The following SEMA5A variants were observed in gnomAD, a reference collection of about 807,000 sequenced individuals.
The protein encoded by SEMA5A is semaphorin 5A.
A neutral mutation model predicts 135.5 loss-of-function variants in SEMA5A; 55 were observed. The ratio of observed to expected loss-of-function variants is 0.41; its 90% CI spans 0.33 to 0.51. The LOEUF (loss-of-function observed/expected upper bound fraction) is 0.51, where lower values mean the gene tolerates loss of function less well. SEMA5A is among the 20% of genes least tolerant of loss of function. The pLI is 0.37. For missense variants in SEMA5A, 1,290 were observed against 1,419.9 expected (o/e 0.91, Z 1.47); for synonymous variants, 580 against 546.5 (o/e 1.06, Z -0.85).
chr5:9,119,801 TCA>T (rs1201506787), intron 14 of SEMA5A, among the ~76,000 whole-genome samples: 1 of 152,170 alleles, frequency 6.6e-6, no homozygotes, highest in African/African-American at 2.4e-5. Context: ...GGCTATCTTT[TCA>T]CAGATTGACA....
At chr5:9,511,518 T>C (rs1248667750) in intron 1 of SEMA5A, 1 of 152,210 alleles carries the variant, frequency 6.6e-6, no homozygotes, top group East Asian at 1.9e-4. Flanking sequence ...GACAGCAGTC[T>C]TGATTAAAGA....
At chr5:9,439,684 T>C (rs1190332966) in intron 1 of SEMA5A, among the ~76,000 whole-genome samples, 1 of 152,130 alleles carries the variant, frequency 6.6e-6, no homozygotes, top group Non-Finnish European at 1.5e-5. Flanking sequence ...TCACAATCAG[T>C]AACACAACCA....
intron 8 of SEMA5A, among the ~76,000 whole-genome samples, chr5:9,210,840 A>G (rs1746308925): frequency 1.3e-5 from 2 of 152,168 alleles, no homozygotes; most frequent in Admixed American, 1.3e-4. Context: ...TACCTAGCAT[A>G]TTGTAAATAG....
At chr5:9,299,713 T>C (rs767525973) in intron 5 of SEMA5A, among the ~76,000 whole-genome samples, 3 of 152,182 alleles carry the variant, frequency 2.0e-5, no homozygotes, top group African/African-American at 2.4e-5. Flanking sequence ...AAGGAGGCCA[T>C]AAATGTTAAC....
chr5:9,466,489 G>A (rs1759268033), intron 1 of SEMA5A, among the ~76,000 whole-genome samples: 1 of 152,088 alleles, frequency 6.6e-6, no homozygotes, highest in Non-Finnish European at 1.5e-5. Context: ...GGGCTACTGA[G>A]CAGTGAAGTT....
At chr5:9,416,427 C>T (rs1419491169) in intron 2 of SEMA5A, among the ~76,000 whole-genome samples, 1 of 152,096 alleles carries the variant, frequency 6.6e-6, no homozygotes, top group African/African-American at 2.4e-5. Context: ...GCAATTAGAT[C>T]CAGGTGGAGG....
chr5:9,528,913 G>A (rs1407977666), intron 1 of SEMA5A, among the ~76,000 whole-genome samples: 2 of 151,840 alleles, frequency 1.3e-5, no homozygotes, highest in South Asian at 2.1e-4. Context: ...TGGGAGCCAC[G>A]AGTCTCTAGA....
At chr5:9,045,617 G>A (rs1736209783) in intron 21 of SEMA5A, among the ~76,000 whole-genome samples, 1 of 152,106 alleles carries the variant, frequency 6.6e-6, no homozygotes, top group South Asian at 2.1e-4. Flanking sequence ...ATACTATCCT[G>A]CGTACCACTT....
chr5:9,407,222 A>C (rs1756920341), intron 2 of SEMA5A, among the ~76,000 whole-genome samples: 1 of 152,228 alleles, frequency 6.6e-6, no homozygotes, highest in Non-Finnish European at 1.5e-5. Context: ...TACAATCTAC[A>C]AAAAGAGTAT....
At chr5:9,407,930 C>T (rs928132784) in intron 2 of SEMA5A, among the ~76,000 whole-genome samples, 1 of 151,852 alleles carries the variant, frequency 6.6e-6, no homozygotes, top group Non-Finnish European at 1.5e-5. Flanking sequence ...ACCATGACCA[C>T]CATCATCATT....
intron 5 of SEMA5A, among the ~76,000 whole-genome samples, chr5:9,309,670 T>A (rs927966960): frequency 3.3e-5 from 5 of 152,188 alleles, no homozygotes; most frequent in Middle Eastern, 3.4e-3. Flanking sequence ...GAGGGAGGAA[T>A]AAGTCTTCTG....
At chr5:9,296,204 A>T (rs192951296) in intron 5 of SEMA5A, among the ~76,000 whole-genome samples, 221 of 152,346 alleles carry the variant, frequency 1.5e-3, no homozygotes, top group Non-Finnish European at 2.9e-3. Context: ...TTATTTTAAA[A>T]GTTCAATAAA....
intron 5 of SEMA5A, among the ~76,000 whole-genome samples, chr5:9,306,224 T>C (rs1366605009): frequency 6.6e-6 from 1 of 152,222 alleles, no homozygotes; most frequent in East Asian, 1.9e-4. Flanking sequence ...ACCAGGCACA[T>C]AGCTTCTGCC....
chr5:9,248,275 A>G (rs1411219553), intron 5 of SEMA5A, among the ~76,000 whole-genome samples: 2 of 152,202 alleles, frequency 1.3e-5, no homozygotes, highest in African/African-American at 4.8e-5. Flanking sequence ...TTACAACAAA[A>G]TGAAGAGAAC....
At chr5:9,451,856 G>A (rs1231540258) in intron 1 of SEMA5A, among the ~76,000 whole-genome samples, 1 of 152,158 alleles carries the variant, frequency 6.6e-6, no homozygotes, top group Non-Finnish European at 1.5e-5. Context: ...ATGGCAGACA[G>A]TAACTCTCCT....
At chr5:9,344,512 G>C (rs138960693) in intron 3 of SEMA5A, among the ~76,000 whole-genome samples, 1 of 152,302 alleles carries the variant, frequency 6.6e-6, no homozygotes, top group East Asian at 1.9e-4. Context: ...CCAGATAGGA[G>C]ACAGGAATGT....
intron 11 of SEMA5A, among the ~76,000 whole-genome samples, chr5:9,188,362 T>A (rs951985458): frequency 5.9e-5 from 9 of 152,180 alleles, no homozygotes; most frequent in African/African-American, 1.4e-4. Context: ...ACTAAGACAC[T>A]CATCAAAGTA....
At chr5:9,234,244 C>T (rs779910533) in intron 6 of SEMA5A, among the ~76,000 whole-genome samples, 7 of 152,254 alleles carry the variant, frequency 4.6e-5, no homozygotes, top group East Asian at 1.9e-4. Context: ...GGCAGTCCTT[C>T]GGAGGCTGCA....
intron 3 of SEMA5A, among the ~76,000 whole-genome samples, chr5:9,358,759 C>A (rs779908683): frequency 2.0e-5 from 3 of 152,128 alleles, no homozygotes; most frequent in Non-Finnish European, 4.4e-5. Context: ...AGAAACGAAG[C>A]TGGAAAATAA....
Sources: allele counts gnomAD v4.1 joint callset (sites outside exome capture counted in the v4.1 genomes callset), GRCh38; gene constraint gnomAD v4.1.1; transcripts MANE v1.5; gene names NCBI Gene and HGNC (gene_info 2026-07-23, HGNC 2026-07-21).